Variants in SFSWAP observed in about 807,000 individuals in gnomAD.
The protein encoded by SFSWAP is splicing factor, suppressor of white-apricot homolog.
SFSWAP carries 17 observed loss-of-function variants against 100.7 expected under a neutral mutation model. The observed-to-expected ratio is 0.17, with a 90% CI of 0.12 to 0.25. SFSWAP has a LOEUF of 0.25. Ranked by LOEUF, SFSWAP falls within the 10% of genes least tolerant of loss-of-function variation. The probability of loss-of-function intolerance (pLI) is 1.00; values close to 1 mark genes in which losing one functional copy is unlikely to be tolerated. For synonymous variants in SFSWAP, 504 were observed against 510.1 expected (o/e 0.99, Z 0.16); for missense variants, 1,005 against 1,262.6 (o/e 0.80, Z 3.09).
At chr12:131,791,726 T>A (rs1434902360) in intron 15 of SFSWAP, among the ~76,000 whole-genome samples, 1 of 152,188 alleles carries the variant, frequency 6.6e-6, no homozygotes, top group Non-Finnish European at 1.5e-5. Flanking sequence ...CCCGCGACAG[T>A]GCAAGACTCC....
rs1884815411 is a variant in SFSWAP at position 131,785,317 on chromosome 12, G to A, written c.2409-1146G>A. ...TCAAAACGATTCTGTCCGTTAAAGG[G>A]CAGCCACTCCTGGCCCTCCAGGATG... On this transcript the variant is annotated intron_variant, in intron 14 of 17. Coordinates refer to ENST00000261674, the MANE Select transcript of SFSWAP (RefSeq NM_004592.4). 15 of 1,273,040 alleles carry A rather than the reference G, an allele frequency of 1.2e-5. No individual in the cohort carries two copies. In the South Asian group the frequency reaches 1.8e-4, roughly 16 times the overall value. 78.9% of individuals were successfully genotyped at this position (1,273,040 alleles called of 1,614,324 possible).
intron 14 of SFSWAP, chr12:131,785,011 C>T: frequency 1.5e-6 from 2 of 1,361,856 alleles, no homozygotes; most frequent in Admixed American, 2.6e-5. Flanking sequence ...TTTCAGAGTT[C>T]TGGTAGCGCC....
intron 15 of SFSWAP, among the ~76,000 whole-genome samples, chr12:131,791,372 A>G (rs986534279): frequency 2.6e-4 from 39 of 150,794 alleles, no homozygotes; most frequent in African/African-American, 9.3e-4. Context: ...CTGGGTGACA[A>G]AGTGAGACTC....
At chr12:131,769,228 A>G (rs1160086263) in intron 13 of SFSWAP, among the ~76,000 whole-genome samples, 1 of 152,240 alleles carries the variant, frequency 6.6e-6, no homozygotes, top group Non-Finnish European at 1.5e-5. Context: ...CTTCTGATGT[A>G]ATAAGCAGGA....
chr12:131,741,009 G>A (rs1431822581), intron 7 of SFSWAP, among the ~76,000 whole-genome samples: 3 of 97,430 alleles, frequency 3.1e-5, no homozygotes, highest in Admixed American at 3.5e-4. Context: ...GTCTCACTCT[G>A]TTGCCTAAGC....
chr12:131,736,281 G>GT (rs1189587106), intron 7 of SFSWAP, among the ~76,000 whole-genome samples: 2 of 152,192 alleles, frequency 1.3e-5, no homozygotes, highest in Non-Finnish European at 2.9e-5. Flanking sequence ...CTTTCACCCA[G>GT]TATCAGAATC....
chr12:131,791,482 A>G (rs1177777216), intron 15 of SFSWAP, among the ~76,000 whole-genome samples: 1 of 149,996 alleles, frequency 6.7e-6, no homozygotes, highest in African/African-American at 2.5e-5. Flanking sequence ...GCCAGGCACG[A>G]TGGTTCACAT....
rs1881813736 is a variant in SFSWAP at position 131,753,164 on chromosome 12, G to A, written c.1123G>A (p.Asp375Asn). Residue 375 changes from aspartate to asparagine, a missense_variant, in exon 8 of 18, where the codon GAC becomes AAC. Physicochemically the swap from Asp to Asn is conservative, Grantham distance 23. Coordinates refer to ENST00000261674, the MANE Select transcript of SFSWAP (RefSeq NM_004592.4). Reference sequence around the variant, plus strand: ...GTATTACAGCTACTACATGCTACCGGACGGCACTTACTGCCTGGCGCCGCC... The same window carrying A: ...GTATTACAGCTACTACATGCTACCGAACGGCACTTACTGCCTGGCGCCGCC... ...AMYYSYYMLP[D>N]GTYCLAPPPP... is the part of the protein sequence containing the mutation. 3 of 1,614,188 alleles carry A rather than the reference G, an allele frequency of 1.9e-6. No individual in the cohort carries two copies. Among genetic ancestry groups the A allele is most frequent in the Non-Finnish European group, 2.5e-6 (3 of 1,180,022 alleles).
At chr12:131,727,173 T>C (rs1879055501) in intron 6 of SFSWAP, 121 bp downstream of exon 6, 1 of 662,906 alleles carries the variant, frequency 1.5e-6, no homozygotes, top group Non-Finnish European at 2.6e-6. Context: ...TTTATCATCA[T>C]TGAGGTGTAT....
intron 14 of SFSWAP, chr12:131,785,130 G>A: frequency 6.5e-7 from 1 of 1,535,692 alleles, no homozygotes; most frequent in Non-Finnish European, 8.7e-7. Flanking sequence ...GCGCGTCAGT[G>A]ACAGCGGCAG....
intron 13 of SFSWAP, among the ~76,000 whole-genome samples, chr12:131,768,085 G>A (rs186642823): frequency 7.9e-5 from 12 of 152,330 alleles, no homozygotes; most frequent in African/African-American, 2.2e-4. Context: ...ACGCGTGCTC[G>A]CCCTCTCTGA....
Position 131,748,185 on chromosome 12 carries a change from C to T in SFSWAP, c.1082-4938C>T, listed in dbSNP as rs553590681. On this transcript the variant is annotated intron_variant, in intron 7 of 17. Coordinates refer to ENST00000261674, the MANE Select transcript of SFSWAP (RefSeq NM_004592.4). Reference sequence around the variant, plus strand: ...GGTGTGTGTTTTCAGAATATCTATACTTATCTCCATAGAACTCTTAACTAT... The same window carrying T: ...GGTGTGTGTTTTCAGAATATCTATATTTATCTCCATAGAACTCTTAACTAT... 6.0e-5 allele frequency among the ~76,000 whole-genome samples: 9 copies of T among 151,136 alleles called. No homozygotes were observed. In the South Asian group the frequency reaches 1.9e-3, roughly 32 times the overall value.
At chr12:131,780,674 TAA>T (rs1483131030) in intron 14 of SFSWAP, among the ~76,000 whole-genome samples, 4 of 152,016 alleles carry the variant, frequency 2.6e-5, no homozygotes, top group Admixed American at 2.0e-4. Context: ...TAAATGCAAT[TAA>T]ATGATTAAAA....
intron 4 of SFSWAP, among the ~76,000 whole-genome samples, chr12:131,720,622 T>C (rs1878383749): frequency 6.6e-6 from 1 of 152,184 alleles, no homozygotes; most frequent in Non-Finnish European, 1.5e-5. Context: ...CCGGGAAAGC[T>C]CCGCACAGAG....
chr12:131,747,218 C>A (rs1353794438), intron 7 of SFSWAP, among the ~76,000 whole-genome samples: 1 of 152,074 alleles, frequency 6.6e-6, no homozygotes, highest in Admixed American at 6.5e-5. Context: ...AGTGGACAAA[C>A]CTCCTTCTGC....
chr12:131,773,269 G>C (rs930641108), intron 13 of SFSWAP, among the ~76,000 whole-genome samples: 2 of 152,144 alleles, frequency 1.3e-5, no homozygotes, highest in Non-Finnish European at 2.9e-5. Context: ...AGTCTTCATT[G>C]AACCCCTTTT....
At chr12:131,767,244 TC>T (rs1170856537) in intron 13 of SFSWAP, among the ~76,000 whole-genome samples, 1 of 152,232 alleles carries the variant, frequency 6.6e-6, no homozygotes, top group Admixed American at 6.5e-5. Context: ...ACACATGCCT[TC>T]CGCAGCAGCA....
At chr12:131,773,103 T>A (rs1422815426) in intron 13 of SFSWAP, among the ~76,000 whole-genome samples, 1 of 152,116 alleles carries the variant, frequency 6.6e-6, no homozygotes, top group Admixed American at 6.5e-5. Context: ...AAGGCAACAT[T>A]CAGGTGGGAA....
At chr12:131,779,453 C>T (rs2136259254) in intron 14 of SFSWAP, among the ~76,000 whole-genome samples, 1 of 152,270 alleles carries the variant, frequency 6.6e-6, no homozygotes, top group Admixed American at 6.5e-5. Context: ...ATTTAAGAGT[C>T]ACAGAATTTA....
Sources: gnomAD v4.1 joint callset for allele counts (sites outside exome capture counted in the v4.1 genomes callset) on GRCh38, gnomAD v4.1.1 for gene constraint, MANE v1.5 for transcripts, NCBI Gene and HGNC (gene_info 2026-07-23, HGNC 2026-07-21) for gene names.